Variants in GRIK2 observed in about 807,000 individuals in gnomAD.
GRIK2 encodes the protein glutamate ionotropic receptor kainate type subunit 2.
Under a neutral mutation model 100.3 loss-of-function variants are expected in GRIK2, and 32 were observed. The ratio of observed to expected loss-of-function variants is 0.32; its 90% CI spans 0.24 to 0.43. The LOEUF (loss-of-function observed/expected upper bound fraction) is 0.43. GRIK2 is among the 20% of genes least tolerant of loss of function. GRIK2 has a pLI of 1.00. For synonymous variants in GRIK2, 417 were observed against 389.4 expected (o/e 1.07, Z -0.83); for missense variants, 843 against 1,114.9 (o/e 0.76, Z 3.47).
chr6:101,866,591 A>G (rs1448586206), intron 11 of GRIK2, among the ~76,000 whole-genome samples: 1 of 152,168 alleles, frequency 6.6e-6, no homozygotes, highest in Non-Finnish European at 1.5e-5. Context: ...AATAGTTTAT[A>G]AGAATTTCTA....
At chr6:101,782,138 T>C (rs1779136296) in intron 7 of GRIK2, among the ~76,000 whole-genome samples, 1 of 152,232 alleles carries the variant, frequency 6.6e-6, no homozygotes, top group Admixed American at 6.5e-5. Flanking sequence ...ACTTCTAGCA[T>C]GATCGAGTCA....
intron 7 of GRIK2, among the ~76,000 whole-genome samples, chr6:101,768,974 T>C (rs369548888): frequency 6.6e-6 from 1 of 152,194 alleles, no homozygotes; most frequent in African/African-American, 2.4e-5. Flanking sequence ...CAGATTATCA[T>C]TTAGGATATA....
chr6:102,039,093 G>T (rs1770434476), intron 15 of GRIK2, among the ~76,000 whole-genome samples: 1 of 151,272 alleles, frequency 6.6e-6, no homozygotes, highest in Non-Finnish European at 1.5e-5. Flanking sequence ...AGCCTGCCAT[G>T]CCTCCTTCTA....
At chr6:101,847,829 C>A (rs1459224942) in intron 10 of GRIK2, among the ~76,000 whole-genome samples, 1 of 151,996 alleles carries the variant, frequency 6.6e-6, no homozygotes, top group South Asian at 2.1e-4. Context: ...GCTCTTAGTG[C>A]CCCCAAGTAT....
At chr6:101,608,721 C>A (rs987307066) in intron 2 of GRIK2, among the ~76,000 whole-genome samples, 1 of 151,442 alleles carries the variant, frequency 6.6e-6, no homozygotes, top group South Asian at 2.1e-4. Flanking sequence ...TATAAATATG[C>A]AGTTCACTTC....
chr6:101,872,493 A>C (rs1785495384), intron 11 of GRIK2, among the ~76,000 whole-genome samples: 1 of 151,648 alleles, frequency 6.6e-6, no homozygotes, highest in Admixed American at 6.6e-5. Flanking sequence ...GAGGGTAACC[A>C]CCCCCATGAT....
At chr6:101,903,392 C>T (rs1788009197) in intron 12 of GRIK2, among the ~76,000 whole-genome samples, 1 of 151,780 alleles carries the variant, frequency 6.6e-6, no homozygotes, top group African/African-American at 2.4e-5. Flanking sequence ...GTGCTCATTT[C>T]TGAAATTTTC....
intron 10 of GRIK2, among the ~76,000 whole-genome samples, chr6:101,844,185 A>G (rs1783678144): frequency 6.6e-6 from 1 of 152,180 alleles, no homozygotes. Context: ...GTAATAAAAT[A>G]TTTGAGAAAT....
At chr6:101,428,245 G>A (rs1174815141) in intron 2 of GRIK2, among the ~76,000 whole-genome samples, 1 of 152,166 alleles carries the variant, frequency 6.6e-6, no homozygotes, top group Non-Finnish European at 1.5e-5. Flanking sequence ...TGTCTACTCT[G>A]TTTGCTAGTT....
At chr6:101,453,727 G>A (rs1290874615) in intron 2 of GRIK2, among the ~76,000 whole-genome samples, 1 of 151,948 alleles carries the variant, frequency 6.6e-6, no homozygotes, top group Non-Finnish European at 1.5e-5. Flanking sequence ...ACCCCAGGAT[G>A]TAACGTTATG....
At chr6:102,032,573 G>C (rs1770055280) in intron 14 of GRIK2, among the ~76,000 whole-genome samples, 1 of 151,128 alleles carries the variant, frequency 6.6e-6, no homozygotes, top group African/African-American at 2.4e-5. Flanking sequence ...TGGTGCCCCA[G>C]CCAAAGAATA....
chr6:101,783,293 A>C (rs998859624), intron 7 of GRIK2, among the ~76,000 whole-genome samples: 5 of 151,692 alleles, frequency 3.3e-5, no homozygotes, highest in Admixed American at 1.3e-4. Flanking sequence ...GATGATTTTC[A>C]AAGTGACAGT....
At chr6:102,054,592 T>A (rs1273452469) in intron 15 of GRIK2, among the ~76,000 whole-genome samples, 2 of 152,128 alleles carry the variant, frequency 1.3e-5, no homozygotes, top group East Asian at 1.9e-4. Flanking sequence ...AGTATGTACC[T>A]CCATTAGCAT....
At chr6:101,487,382 G>A (rs1421635602) in intron 2 of GRIK2, among the ~76,000 whole-genome samples, 1 of 146,088 alleles carries the variant, frequency 6.8e-6, no homozygotes, top group Non-Finnish European at 1.5e-5. Context: ...CTGAGCCTCA[G>A]TACTACATTT....
intron 14 of GRIK2, among the ~76,000 whole-genome samples, chr6:102,034,953 C>T (rs1770186620): frequency 6.6e-6 from 1 of 151,200 alleles, no homozygotes; most frequent in Non-Finnish European, 1.5e-5. Flanking sequence ...TTCTCTCTTC[C>T]ACGTTTGTTG....
intron 12 of GRIK2, among the ~76,000 whole-genome samples, chr6:101,918,752 T>C (rs1303782348): frequency 2.0e-5 from 3 of 151,878 alleles, no homozygotes; most frequent in African/African-American, 7.2e-5. Flanking sequence ...ATGCCTCTTT[T>C]AGGCACTGAA....
chr6:101,755,877 C>A (rs1434237805), intron 7 of GRIK2, among the ~76,000 whole-genome samples: 4 of 152,090 alleles, frequency 2.6e-5, no homozygotes, highest in Admixed American at 6.6e-5. Flanking sequence ...CCTAGGAAAG[C>A]AATTTTATGA....
chr6:101,502,323 A>G (rs1163894033), intron 2 of GRIK2, among the ~76,000 whole-genome samples: 1 of 152,154 alleles, frequency 6.6e-6, no homozygotes, highest in East Asian at 1.9e-4. Context: ...AAAGATATAT[A>G]TATACACACA....
chr6:101,394,479 G>C (rs1334107993), intron 1 of GRIK2, among the ~76,000 whole-genome samples: 1 of 152,164 alleles, frequency 6.6e-6, no homozygotes. Flanking sequence ...CCGAGCTGAG[G>C]CTCCTTAGAG....
Sources: allele counts gnomAD v4.1 joint callset (sites outside exome capture counted in the v4.1 genomes callset), GRCh38; gene constraint gnomAD v4.1.1; transcripts MANE v1.5; gene names NCBI Gene and HGNC (gene_info 2026-07-23, HGNC 2026-07-21).